Variants in ARL15 observed in about 807,000 individuals in gnomAD.
ARL15 encodes ARF like GTPase 15, also known as ADP-ribosylation factor-like protein 15.
Under a neutral mutation model 25.2 loss-of-function variants are expected in ARL15, and 19 were observed. That is an observed-to-expected ratio of 0.75 (90% confidence interval 0.53 to 1.10). The LOEUF is 1.10. Ranked by LOEUF, ARL15 falls within the 50% of genes least tolerant of loss-of-function variation. The pLI, the probability that ARL15 is intolerant of heterozygous loss-of-function variation, is 0.00. For synonymous variants in ARL15, 94 were observed against 86.8 expected, an observed-to-expected ratio of 1.08 and a Z score of -0.46; for missense variants, 220 against 246.0, an observed-to-expected ratio of 0.89 and a Z score of 0.71.
intron 4 of ARL15, 53 bp from the exon 5 acceptor site, chr5:53,886,766 C>A (rs1744539681): frequency 2.0e-6 from 3 of 1,466,132 alleles, no homozygotes; most frequent in Non-Finnish European, 2.7e-6. Context: ...CAGAAACTTT[C>A]TCATATCAAA....
At chr5:54,142,812 T>C (rs1043425199) in intron 3 of ARL15, among the ~76,000 whole-genome samples, 3 of 152,228 alleles carry the variant, frequency 2.0e-5, no homozygotes, top group African/African-American at 7.2e-5. Flanking sequence ...GATCATGCTT[T>C]GGTGTCTAAG....
At chr5:54,200,825 G>A (rs1487348049) in intron 1 of ARL15, among the ~76,000 whole-genome samples, 1 of 152,120 alleles carries the variant, frequency 6.6e-6, no homozygotes, top group African/African-American at 2.4e-5. Context: ...TCACAGATAG[G>A]CGAAAACAAC....
At chr5:54,134,697 G>A (rs911126983) in intron 3 of ARL15, among the ~76,000 whole-genome samples, 1 of 141,060 alleles carries the variant, frequency 7.1e-6, no homozygotes, top group South Asian at 2.3e-4. Context: ...CGATTCTCCT[G>A]CCTCAGCCTC....
At chr5:54,067,903 T>C (rs1216508884) in intron 4 of ARL15, among the ~76,000 whole-genome samples, 2 of 152,220 alleles carry the variant, frequency 1.3e-5, no homozygotes, top group Non-Finnish European at 2.9e-5. Context: ...AACTTACTAC[T>C]CACCTGTAAG....
chr5:54,051,248 T>C, intron 4 of ARL15, among the ~76,000 whole-genome samples: 1 of 152,196 alleles, frequency 6.6e-6, no homozygotes, highest in Non-Finnish European at 1.5e-5. Flanking sequence ...AGGGTAGGTA[T>C]TAGTCTCATT....
chr5:54,237,387 A>C (rs1413885221), intron 1 of ARL15, among the ~76,000 whole-genome samples: 3 of 152,174 alleles, frequency 2.0e-5, no homozygotes, highest in Non-Finnish European at 4.4e-5. Context: ...CAGCATGAGA[A>C]TGGACTAATA....
At chr5:54,133,158 A>G (rs916403700) in intron 3 of ARL15, among the ~76,000 whole-genome samples, 2 of 152,222 alleles carry the variant, frequency 1.3e-5, no homozygotes, top group African/African-American at 4.8e-5. Flanking sequence ...AACTTTTAAA[A>G]GAAAATCAGA....
At chr5:53,924,851 T>C (rs1745968245) in intron 4 of ARL15, among the ~76,000 whole-genome samples, 1 of 152,190 alleles carries the variant, frequency 6.6e-6, no homozygotes, top group African/African-American at 2.4e-5. Context: ...ACAATGTAAT[T>C]TGGGAGCCCC....
chr5:54,021,949 TCC>T (rs1294766985), intron 4 of ARL15, among the ~76,000 whole-genome samples: 1 of 152,098 alleles, frequency 6.6e-6, no homozygotes, highest in Non-Finnish European at 1.5e-5. Context: ...AGCAGATTCC[TCC>T]CCAGAAACCA....
chr5:54,304,849 T>C (rs959192667), intron 1 of ARL15, among the ~76,000 whole-genome samples: 29 of 150,654 alleles, frequency 1.9e-4, no homozygotes, highest in Non-Finnish European at 3.5e-4. Context: ...ACAATGTACT[T>C]TTTTTTTTAT....
intron 4 of ARL15, among the ~76,000 whole-genome samples, chr5:54,036,147 T>A (rs1305918262): frequency 6.7e-6 from 1 of 150,216 alleles, no homozygotes; most frequent in Non-Finnish European, 1.5e-5. Context: ...GAGACCCCGC[T>A]TCGTAAAAAA....
chr5:53,951,581 A>T, intron 4 of ARL15: 1 of 471,358 alleles, frequency 2.1e-6, no homozygotes, highest in Non-Finnish European at 4.4e-6. Context: ...TAGAGAACAC[A>T]AGAATACCTT....
chr5:54,285,263 G>C, intron 1 of ARL15: 9 of 608,416 alleles, frequency 1.5e-5, no homozygotes, highest in Non-Finnish European at 1.9e-5. Flanking sequence ...GTTACAATCT[G>C]TTTAAGAGAG....
At chr5:54,284,623 T>C (rs1234488239) in intron 1 of ARL15, among the ~76,000 whole-genome samples, 2 of 152,248 alleles carry the variant, frequency 1.3e-5, no homozygotes, top group African/African-American at 4.8e-5. Flanking sequence ...TCCACTCCTT[T>C]TCATATTCTC....
chr5:54,145,642 G>A lies in ARL15; in HGVS notation c.253+8938C>T, dbSNP rs572432782. ...TGTGTGTGTGCGTGCGTGTGTGTGT[G>A]TGTTCACCCACACCTGGGCATGGCA... is the stretch of plus-strand genomic sequence containing the variant. On this transcript the variant is annotated intron_variant, in intron 3 of 4. Coordinates refer to ENST00000504924, the MANE Select transcript of ARL15 (RefSeq NM_019087.3). Among the ~76,000 whole-genome samples, 177 of 152,250 alleles carry A rather than the reference G, an allele frequency of 1.2e-3. 3 individuals are homozygous for A. The South Asian group carries it at 0.013, about 11-fold the overall frequency.
intron 1 of ARL15, among the ~76,000 whole-genome samples, chr5:54,175,881 A>C (rs1486754976): frequency 6.6e-6 from 1 of 151,958 alleles, no homozygotes; most frequent in Non-Finnish European, 1.5e-5. Flanking sequence ...CCATCTCCTG[A>C]GCTCAGGTGA....
intron 4 of ARL15, among the ~76,000 whole-genome samples, chr5:54,025,686 G>A (rs1011116867): frequency 4.7e-5 from 7 of 148,748 alleles, no homozygotes; most frequent in South Asian, 2.2e-4. Flanking sequence ...TGTTTGTTTC[G>A]GTAATTACAA....
intron 1 of ARL15, among the ~76,000 whole-genome samples, chr5:54,179,114 T>C (rs1754973844): frequency 6.6e-6 from 1 of 152,192 alleles, no homozygotes; most frequent in Admixed American, 6.5e-5. Context: ...GCAGTCTGGC[T>C]CCTGAGCTGT....
At chr5:53,914,322 C>A (rs1021388) in intron 4 of ARL15, among the ~76,000 whole-genome samples, 152,223 of 152,262 alleles carry the variant, frequency 1, 76,093 homozygotes, top group Non-Finnish European at 1. Flanking sequence ...CCTCTCACTT[C>A]AACAACTTAA....
Sources: allele counts gnomAD v4.1 joint callset (sites outside exome capture counted in the v4.1 genomes callset), GRCh38; gene constraint gnomAD v4.1.1; transcripts MANE v1.5; gene names NCBI Gene and HGNC (gene_info 2026-07-23, HGNC 2026-07-21).